Variants in IL1RAPL1 observed in about 807,000 individuals in gnomAD.
IL1RAPL1 encodes the protein interleukin 1 receptor accessory protein like 1, also known as interleukin-1 receptor accessory protein-like 1.
IL1RAPL1 carries 3 observed loss-of-function variants against 48.4 expected under a neutral mutation model. That is an observed-to-expected ratio of 0.06 (90% confidence interval 0.03 to 0.16). The LOEUF is 0.16. Among genes scored for constraint, IL1RAPL1 ranks in the 10% least tolerant of loss-of-function variants. The pLI, the probability that IL1RAPL1 is intolerant of heterozygous loss-of-function variation, is 1.00. For synonymous variants in IL1RAPL1, 185 were observed against 187.7 expected, an observed-to-expected ratio of 0.99 and a Z score of 0.12; for missense variants, 349 against 530.6, an observed-to-expected ratio of 0.66 and a Z score of 3.36.
At chrX:29,399,384 A>C in intron 5 of IL1RAPL1, 76 bp downstream of exon 5, 1 of 819,589 alleles carries the variant, frequency 1.2e-6, no homozygotes, top group Non-Finnish European at 1.8e-6. Flanking sequence ...CTACACATTG[A>C]TATTTTTACT....
intron 2 of IL1RAPL1, among the ~76,000 whole-genome samples, chrX:28,966,773 C>A (rs771406707): frequency 1.8e-5 from 2 of 111,826 alleles, no homozygotes; most frequent in Non-Finnish European, 3.8e-5. Context: ...TTTACTGGAA[C>A]AGTTACAGCT....
chrX:29,896,768 G>C (rs1932392381), intron 6 of IL1RAPL1, among the ~76,000 whole-genome samples: 1 of 112,165 alleles, frequency 8.9e-6, no homozygotes, highest in African/African-American at 3.3e-5. Context: ...AGATCCAGGG[G>C]GGAAGAGAGC....
intron 2 of IL1RAPL1, among the ~76,000 whole-genome samples, chrX:29,095,766 A>T (rs1602054872): frequency 1.3e-5 from 1 of 76,193 alleles, no homozygotes. Context: ...GCAATACTGC[A>T]TTTGCCTTTT....
chrX:28,967,541 CT>C (rs1924950453), intron 2 of IL1RAPL1, among the ~76,000 whole-genome samples: 1 of 111,320 alleles, frequency 9.0e-6, no homozygotes, highest in African/African-American at 3.3e-5. Flanking sequence ...AGATCTCCCC[CT>C]AACCCTTTAC....
chrX:29,657,811 A>T (rs1925726637), intron 5 of IL1RAPL1, among the ~76,000 whole-genome samples: 1 of 107,830 alleles, frequency 9.3e-6, no homozygotes, highest in Non-Finnish European at 1.9e-5. Context: ...TTCCTAGAAG[A>T]TAATTAGTGA....
At chrX:29,108,368 C>G (rs1009839493) in intron 2 of IL1RAPL1, among the ~76,000 whole-genome samples, 5 of 110,380 alleles carry the variant, frequency 4.5e-5, no homozygotes, top group Non-Finnish European at 7.6e-5. Flanking sequence ...ATGGCTATTA[C>G]AAATAATGTT....
chrX:28,945,316 CACTGTTTACAAT>C (rs962782499), intron 2 of IL1RAPL1, among the ~76,000 whole-genome samples: 2 of 111,282 alleles, frequency 1.8e-5, no homozygotes, highest in African/African-American at 6.5e-5. Context: ...TTTATTACAG[CACTGTTTACAAT>C]AGCAAAGACA....
Position 29,633,468 on chromosome X carries a change from T to TATATACACAC in IL1RAPL1, c.704-34961_704-34960insTATACACACA, listed in dbSNP as rs762146549. On this transcript the variant is annotated intron_variant, in intron 5 of 10. Coordinates refer to ENST00000378993, the MANE Select transcript of IL1RAPL1 (RefSeq NM_014271.4). ...TTGTGACAATTTATCGATATATATA[T>TATATACACAC]ACACACACACACACACACACACACA... Among the ~76,000 whole-genome samples, 240 of 97,733 alleles carry TATATACACAC rather than the reference T, an allele frequency of 2.5e-3. 1 individual carries two copies. The highest frequency in any genetic ancestry group is 8.7e-3 in the African/African-American group (232 of 26,540). 84.9% of individuals were successfully genotyped at this position (97,733 alleles called of 115,157 possible).
At chrX:29,202,770 A>G (rs1930581781) in intron 2 of IL1RAPL1, among the ~76,000 whole-genome samples, 1 of 111,854 alleles carries the variant, frequency 8.9e-6, no homozygotes, top group Non-Finnish European at 1.9e-5. Context: ...AGAAAACCAA[A>G]TACTATGTGT....
intron 5 of IL1RAPL1, among the ~76,000 whole-genome samples, chrX:29,444,720 T>G (rs988661381): frequency 8.9e-6 from 1 of 111,817 alleles, no homozygotes; most frequent in Non-Finnish European, 1.9e-5. Context: ...TTTATTTTAT[T>G]AATAATTATA....
At chrX:29,053,550 A>G (rs1251200034) in intron 2 of IL1RAPL1, among the ~76,000 whole-genome samples, 1 of 111,827 alleles carries the variant, frequency 8.9e-6, no homozygotes, top group African/African-American at 3.3e-5. Flanking sequence ...GTTATTTTTA[A>G]TAAATAACAG....
chrX:29,568,810 C>T (rs1304974840), intron 5 of IL1RAPL1, among the ~76,000 whole-genome samples: 1 of 111,106 alleles, frequency 9.0e-6, no homozygotes, highest in East Asian at 2.8e-4. Flanking sequence ...TCTGGTCATT[C>T]ATTACCAAGA....
chrX:29,099,363 T>A (rs1030694118), intron 2 of IL1RAPL1, among the ~76,000 whole-genome samples: 2 of 112,055 alleles, frequency 1.8e-5, no homozygotes, highest in Non-Finnish European at 3.8e-5. Flanking sequence ...ATAAATCAAT[T>A]ATGTTTGATT....
chrX:29,851,255 TC>T (rs1238196826), intron 6 of IL1RAPL1, among the ~76,000 whole-genome samples: 1 of 111,753 alleles, frequency 8.9e-6, no homozygotes, highest in Non-Finnish European at 1.9e-5. Context: ...CCCCTTTATC[TC>T]TTAAATCCTG....
intron 3 of IL1RAPL1, among the ~76,000 whole-genome samples, chrX:29,329,876 A>C (rs902157287): frequency 1.8e-5 from 2 of 110,857 alleles, no homozygotes; most frequent in African/African-American, 6.6e-5. Context: ...TGAAAACATT[A>C]TGCTGAGCTA....
chrX:29,579,344 T>C (rs1037014684), intron 5 of IL1RAPL1, among the ~76,000 whole-genome samples: 5 of 111,643 alleles, frequency 4.5e-5, no homozygotes, highest in Non-Finnish European at 9.4e-5. Flanking sequence ...CATATAAAAG[T>C]CATATTATAG....
chrX:29,745,521 A>C (rs140144816), intron 6 of IL1RAPL1, among the ~76,000 whole-genome samples: 2,677 of 88,385 alleles, frequency 0.03, 104 homozygotes, highest in African/African-American at 0.11. Flanking sequence ...GTCTTGGCTC[A>C]CTGCAACCTC....
At chrX:28,589,234 C>T (rs911650740) in intron 1 of IL1RAPL1, among the ~76,000 whole-genome samples, 5 of 111,089 alleles carry the variant, frequency 4.5e-5, no homozygotes, top group Non-Finnish European at 3.8e-5. Flanking sequence ...GGATGGAAGT[C>T]GTGCATAATC....
At chrX:28,725,833 T>A (rs1318075385) in intron 1 of IL1RAPL1, among the ~76,000 whole-genome samples, 1 of 112,329 alleles carries the variant, frequency 8.9e-6, no homozygotes, top group Non-Finnish European at 1.9e-5. Flanking sequence ...AGGAATACTC[T>A]GGGAATCTCC....
Sources: allele counts gnomAD v4.1 joint callset (sites outside exome capture counted in the v4.1 genomes callset), GRCh38; gene constraint gnomAD v4.1.1; transcripts MANE v1.5; gene names NCBI Gene and HGNC (gene_info 2026-07-23, HGNC 2026-07-21).